Variants in TLK1 observed in about 807,000 individuals in gnomAD.
TLK1 encodes the protein serine/threonine-protein kinase tousled-like 1.
In TLK1, 24 loss-of-function variants were observed where a neutral mutation model predicts 105.3. The observed-to-expected ratio is 0.23, with a 90% CI of 0.17 to 0.32. The LOEUF (loss-of-function observed/expected upper bound fraction) is 0.32, where lower values mean the gene tolerates loss of function less well. Ranked by LOEUF, TLK1 falls within the 10% of genes least tolerant of loss-of-function variation. The probability of loss-of-function intolerance (pLI) is 1.00; values close to 1 mark genes in which losing one functional copy is unlikely to be tolerated. For synonymous variants in TLK1, 321 were observed against 310.4 expected, an observed-to-expected ratio of 1.03 and a Z score of -0.36; for missense variants, 558 against 910.5, an observed-to-expected ratio of 0.61 and a Z score of 4.98.
At chr2:171,170,320 A>T (rs1692702576) in intron 1 of TLK1, among the ~76,000 whole-genome samples, 1 of 152,254 alleles carries the variant, frequency 6.6e-6, no homozygotes. Flanking sequence ...TAATATAAAC[A>T]TGAGATACAC....
At position 171,160,215 on chromosome 2, in the gene TLK1, GGC is replaced by G; in HGVS notation, c.139+73_139+74del. ...GGCGGAGAAGCCCCGGGGCGGGGGGGGCGGGGGGGGGGCGCGGGGGTCCGCGG... is the reference window on the plus strand; with the variant it reads ...GGCGGAGAAGCCCCGGGGCGGGGGGGGGGGGGGGGGCGCGGGGGTCCGCGG... On this transcript the variant is annotated intron_variant, in intron 1 of 20. Coordinates refer to ENST00000431350, the MANE Select transcript of TLK1 (RefSeq NM_012290.5). This position sits in a 1 kb window ranked among gnomAD's most constrained non-coding sequence, Gnocchi z 4.4. The G allele has an allele frequency of 1.3e-5, 16 of 1,260,412 alleles. No homozygotes were observed. In the South Asian group the frequency reaches 2.1e-4, roughly 17 times the overall value. 78.1% of individuals were successfully genotyped at this position (1,260,412 alleles called of 1,614,324 possible).
At chr2:171,059,838 T>G in intron 4 of TLK1, 1 of 785,418 alleles carries the variant, frequency 1.3e-6, no homozygotes, top group Non-Finnish European at 2.3e-6. Flanking sequence ...CACAATAAGG[T>G]TCACACTCCT....
chr2:170,991,025 A>G lies in TLK1; in HGVS notation c.*2755T>C, dbSNP rs1293704187. On this transcript the variant is annotated 3_prime_UTR_variant, in exon 21 of 21. Transcript: ENST00000431350. Reference sequence around the variant, plus strand: ...GTGTTTAAAAAAAAAAAAAAGATTGAGTCTTTATTTTTGAAAAACCACCAA... The same window carrying G: ...GTGTTTAAAAAAAAAAAAAAGATTGGGTCTTTATTTTTGAAAAACCACCAA... 1 of 151,924 alleles carries G rather than the reference A, an allele frequency of 6.6e-6. No individual in the cohort carries two copies. The highest frequency in any genetic ancestry group is 2.4e-5 in the African/African-American group (1 of 41,362). The allele number at this position is 151,924 out of a possible 1,614,324, so 9.4% of individuals were successfully genotyped here. A position where few individuals can be genotyped will look rare whatever the true frequency, so the allele number is the denominator to read the frequency against.
At chr2:171,092,783 A>T (rs767903937) in intron 2 of TLK1, among the ~76,000 whole-genome samples, 3 of 152,144 alleles carry the variant, frequency 2.0e-5, no homozygotes, top group Non-Finnish European at 2.9e-5. Flanking sequence ...CAAGGACACT[A>T]AATGGAACCT....
chr2:171,157,632 G>C (rs1023283050), intron 1 of TLK1, among the ~76,000 whole-genome samples: 2 of 152,130 alleles, frequency 1.3e-5, no homozygotes, highest in Non-Finnish European at 2.9e-5. Flanking sequence ...AAGGTAAAAA[G>C]AAACAAAACT....
chr2:171,013,382 C>T (rs1333215794), intron 13 of TLK1, among the ~76,000 whole-genome samples: 4 of 130,510 alleles, frequency 3.1e-5, no homozygotes, highest in East Asian at 4.5e-4. Flanking sequence ...GGCTGGACTG[C>T]GATCTAGGCT....
intron 20 of TLK1, among the ~76,000 whole-genome samples, chr2:170,995,710 T>C (rs1039549682): frequency 1.3e-5 from 2 of 152,194 alleles, no homozygotes; most frequent in Non-Finnish European, 2.9e-5. Context: ...ATTTATCTCT[T>C]TTGTTTTTTT....
intron 19 of TLK1, 89 bp from the exon 20 acceptor site, chr2:170,996,849 G>T: frequency 9.1e-7 from 1 of 1,099,600 alleles, no homozygotes; most frequent in Non-Finnish European, 1.3e-6. Flanking sequence ...TCCCAAAACC[G>T]AAAATCCAAA....
chr2:171,048,013 AT>A (rs1687041190), intron 10 of TLK1, among the ~76,000 whole-genome samples: 1 of 152,182 alleles, frequency 6.6e-6, no homozygotes, highest in South Asian at 2.1e-4. Flanking sequence ...CAGTGGCATG[AT>A]CTCGGCTCAC....
chr2:171,112,878 G>A (rs968295498), intron 2 of TLK1, among the ~76,000 whole-genome samples: 2 of 151,962 alleles, frequency 1.3e-5, no homozygotes, highest in African/African-American at 2.4e-5. Context: ...GAATAAACAG[G>A]GAGACATTTC....
At chr2:171,030,205 C>T (rs2105396184) in intron 11 of TLK1, among the ~76,000 whole-genome samples, 1 of 152,274 alleles carries the variant, frequency 6.6e-6, no homozygotes, top group African/African-American at 2.4e-5. Flanking sequence ...TGCCATTTCC[C>T]TTTAGCTAGA....
upstream of TLK1, among the ~76,000 whole-genome samples, chr2:171,161,747 G>A (rs1272945415): frequency 2.0e-5 from 3 of 152,230 alleles, no homozygotes; most frequent in South Asian, 2.1e-4. Context: ...GCTGAGTCCC[G>A]ACTACAAAAA....
intron 1 of TLK1, among the ~76,000 whole-genome samples, chr2:171,120,864 T>G (rs1197841735): frequency 6.6e-6 from 1 of 152,256 alleles, no homozygotes; most frequent in Non-Finnish European, 1.5e-5. Flanking sequence ...GCAGCATTAT[T>G]CACATTAGCC....
rs138249299 is a variant in TLK1 at position 171,148,394 on chromosome 2, A to G, written c.139+11896T>C. Among the ~76,000 whole-genome samples, 66 of 150,308 alleles carry G rather than the reference A, an allele frequency of 4.4e-4. 1 individual carries two copies. In the Middle Eastern group the frequency reaches 0.017, roughly 39 times the overall value. On this transcript the variant is annotated intron_variant, in intron 1 of 20. Coordinates refer to ENST00000431350, the MANE Select transcript of TLK1 (RefSeq NM_012290.5). ...GACTTGGGTTGACATCCTTTTTTCA[A>G]TCACTTCTCATCTGCGTGACTTTGG...
At chr2:171,085,161 G>A (rs966900270) in intron 2 of TLK1, among the ~76,000 whole-genome samples, 18 of 152,010 alleles carry the variant, frequency 1.2e-4, no homozygotes, top group African/African-American at 2.2e-4. Flanking sequence ...AGGCGGAGGC[G>A]GGCAGATCAC....
intron 1 of TLK1, among the ~76,000 whole-genome samples, chr2:171,195,674 A>G (rs1446624316): frequency 6.6e-6 from 1 of 152,198 alleles, no homozygotes; most frequent in East Asian, 1.9e-4. Flanking sequence ...GTCTTCTTAC[A>G]TCTCATTTTG....
chr2:171,022,158 T>C lies in TLK1; in HGVS notation c.1236+6181A>G, dbSNP rs111489784. Among the ~76,000 whole-genome samples, 616 of 149,934 alleles carry C rather than the reference T, an allele frequency of 4.1e-3. 4 individuals are homozygous for C. Among genetic ancestry groups the C allele is most frequent in the African/African-American group, 0.014 (573 of 40,442 alleles). On this transcript the variant is annotated intron_variant, in intron 12 of 20. Coordinates refer to ENST00000431350, the MANE Select transcript of TLK1 (RefSeq NM_012290.5). ...AGTAAAACACCTTTTACCTCTACATTTTCATTTTGGTAGCTGAACATTATC... is the reference window on the plus strand; with the variant it reads ...AGTAAAACACCTTTTACCTCTACATCTTCATTTTGGTAGCTGAACATTATC...
chr2:171,038,324 T>C (rs898439063), intron 11 of TLK1, among the ~76,000 whole-genome samples: 28 of 152,170 alleles, frequency 1.8e-4, no homozygotes, highest in African/African-American at 6.5e-4. Context: ...GTTTCCTATA[T>C]TAATTTCTGC....
In TLK1 at chr2:170,994,009, T is replaced by TATCA. The variant is rs1170083582; in HGVS notation, c.2125-57_2125-54dup. 3 of 1,510,544 alleles carry TATCA rather than the reference T, an allele frequency of 2.0e-6. No individual in the cohort carries two copies. The African/African-American group carries it at 4.2e-5, about 21-fold the overall frequency. The allele number at this position is 1,510,544 out of a possible 1,614,324, so 93.6% of individuals were successfully genotyped here. A position where few individuals can be genotyped will look rare whatever the true frequency, so the allele number is the denominator to read the frequency against. On this transcript the variant is annotated intron_variant, in intron 20 of 20. Transcript: ENST00000431350. ...ATTAATGATCTTTTTCCCTTCTAAA[T>TATCA]ATCAATCAACTGAATCAGCAGAAGG...
Sources: gnomAD v4.1 joint callset for allele counts (sites outside exome capture counted in the v4.1 genomes callset) on GRCh38, gnomAD v4.1.1 for gene constraint, Gnocchi (gnomAD v3.1) non-coding constraint, MANE v1.5 for transcripts, NCBI Gene and HGNC (gene_info 2026-07-23, HGNC 2026-07-21) for gene names.